Variants in CAPN8 observed in about 807,000 individuals in gnomAD.
CAPN8 encodes the protein calpain-8.
CAPN8 carries 87 observed loss-of-function variants against 80.9 expected under a neutral mutation model. That is an observed-to-expected ratio of 1.07 (90% CI 0.90 to 1.28). The LOEUF (loss-of-function observed/expected upper bound fraction) is 1.28. Among genes scored for constraint, CAPN8 ranks in the 50% most tolerant of loss-of-function variants. The pLI, the probability that CAPN8 is intolerant of heterozygous loss-of-function variation, is 0.00. For synonymous variants in CAPN8, 299 were observed against 273.8 expected (o/e 1.09, Z -0.91); for missense variants, 757 against 702.0 (o/e 1.08, Z -0.89).
At chr1:223,629,232 T>TGTGTATG (rs68132305) in intron 2 of CAPN8, among the ~76,000 whole-genome samples, 2,247 of 132,602 alleles carry the variant, frequency 0.017, 21 homozygotes, top group Non-Finnish European at 0.021. Context: ...GTGTGTGTGT[T>TGTGTATG]TATGTTCCTT....
At chr1:223,645,938 G>A (rs1407412972) in intron 2 of CAPN8, among the ~76,000 whole-genome samples, 1 of 152,200 alleles carries the variant, frequency 6.6e-6, no homozygotes, top group Admixed American at 6.5e-5. Context: ...TTTGGGGCAA[G>A]GTATGGAGTG....
intron 2 of CAPN8, among the ~76,000 whole-genome samples, chr1:223,653,524 C>A (rs1892079): frequency 0.3 from 45,969 of 151,714 alleles, 7,272 homozygotes; most frequent in Middle Eastern, 0.37. Context: ...TGCTGATTTT[C>A]AGTAAGCAGG....
intron 16 of CAPN8, among the ~76,000 whole-genome samples, chr1:223,546,760 C>T (rs1038475348): frequency 2.0e-5 from 3 of 152,126 alleles, no homozygotes; most frequent in Admixed American, 2.0e-4. Context: ...GAATTTGGAC[C>T]CCTGTCTGTT....
At position 223,665,655 on chromosome 1, in the gene CAPN8, G is replaced by A; in HGVS notation, c.-9C>T. On this transcript the variant is annotated 5_prime_UTR_variant, in exon 1 of 21. Transcript: ENST00000366872. ...GCTGCCTGGGCTGCCATGGCCGTGG[G>A]CTCTGTAGGGTGGACAGAAGGGCAG... 1 of 1,549,664 alleles carries A rather than the reference G, an allele frequency of 6.5e-7. No individual in the cohort carries two copies. The highest frequency in any genetic ancestry group is 8.7e-7 in the Non-Finnish European group (1 of 1,145,852).
At chr1:223,544,585 A>G (rs573577158) in intron 18 of CAPN8, among the ~76,000 whole-genome samples, 187 bp downstream of exon 18, 130 of 152,304 alleles carry the variant, frequency 8.5e-4, no homozygotes, top group African/African-American at 3.1e-3. Flanking sequence ...ATATTATGCT[A>G]TATGGAATCG....
chr1:223,623,903 G>A (rs527557293), intron 6 of CAPN8, among the ~76,000 whole-genome samples: 1 of 151,906 alleles, frequency 6.6e-6, no homozygotes, highest in Non-Finnish European at 1.5e-5. Flanking sequence ...GGGAGGCTGA[G>A]GCAGGAAAAT....
In CAPN8 at chr1:223,545,243, A is replaced by C; in HGVS notation, c.1821T>G (p.Ile607Met). The C allele has an allele frequency of 6.4e-7, 1 of 1,551,684 alleles. No homozygotes were observed. The highest frequency in any genetic ancestry group is 8.7e-7 in the Non-Finnish European group (1 of 1,146,972). Reference protein sequence around the residue: ...AVEFKTLWLKIQKYLEIYWET... With the variant: ...AVEFKTLWLKMQKYLEIYWET... ...AAAAGAGAGTTACCAGATACTTCTG[A>C]ATCTTCAGCCAGAGCGTCTTGAATT... The change falls in exon 17 of 21, where the codon ATT becomes ATG. Residue 607 changes from isoleucine (I) to methionine (M), a missense_variant. Coordinates refer to ENST00000366872, the MANE Select transcript of CAPN8 (RefSeq NM_001143962.2).
chr1:223,645,297 T>C (rs1036475998), intron 2 of CAPN8, among the ~76,000 whole-genome samples: 6 of 152,160 alleles, frequency 3.9e-5, no homozygotes, highest in Admixed American at 3.9e-4. Flanking sequence ...CCCACCCAGA[T>C]TGAGGGTGGG....
chr1:223,620,640 G>T (rs1657360530), intron 7 of CAPN8, among the ~76,000 whole-genome samples: 1 of 152,170 alleles, frequency 6.6e-6, no homozygotes, highest in African/African-American at 2.4e-5. Flanking sequence ...TCACTGGAAA[G>T]GCAGGCACTC....
At chr1:223,637,098 G>C (rs1025857401) in intron 2 of CAPN8, among the ~76,000 whole-genome samples, 34 of 152,190 alleles carry the variant, frequency 2.2e-4, no homozygotes, top group African/African-American at 8.2e-4. Context: ...ATCATGGTTA[G>C]ACTCAGGTCT....
chr1:223,617,699 T>C (rs959665100), intron 9 of CAPN8: 1 of 152,498 alleles, frequency 6.6e-6, no homozygotes. Flanking sequence ...GAATGGGCCA[T>C]AAAAATAATA....
At chr1:223,626,073 GT>G (rs1657567986) in intron 5 of CAPN8, among the ~76,000 whole-genome samples, 185 bp from the exon 6 acceptor site, 1 of 152,160 alleles carries the variant, frequency 6.6e-6, no homozygotes, top group African/African-American at 2.4e-5. Flanking sequence ...AATTAGGCCT[GT>G]AGTTCCGGGC....
chr1:223,636,801 G>T (rs28679358), intron 2 of CAPN8, among the ~76,000 whole-genome samples: 36,303 of 58,040 alleles, frequency 0.63, 9,944 homozygotes, highest in African/African-American at 0.64. Context: ...TTGAGTAGTC[G>T]ATCACTAGTA....
At chr1:223,617,492 T>C (rs949577026) in intron 9 of CAPN8, 1 of 152,234 alleles carries the variant, frequency 6.6e-6, no homozygotes, top group African/African-American at 2.4e-5. Flanking sequence ...GTTGGCAGCA[T>C]GGATGGGACT....
At chr1:223,547,536 T>C (rs1211235004) in intron 16 of CAPN8, among the ~76,000 whole-genome samples, 1 of 152,230 alleles carries the variant, frequency 6.6e-6, no homozygotes, top group African/African-American at 2.4e-5. Flanking sequence ...TTCTAAATTA[T>C]GTGATGATGG....
rs561702841 is a variant in CAPN8, at chr1:223,627,881, G to C, written c.560+128C>G. On this transcript the variant is annotated intron_variant, in intron 4 of 20. Transcript: ENST00000366872. ...AAAAATGCTCTCTCTCCGGCTCATG[G>C]GGGTCTGGATGCTGGGAAAGACGCC... 6.4e-6 allele frequency: 7 copies of C among 1,096,742 alleles called. No homozygotes were observed. The South Asian group carries it at 9.0e-5, about 14-fold the overall frequency. 67.9% of individuals were successfully genotyped at this position (1,096,742 alleles called of 1,614,324 possible). A position where few individuals can be genotyped will look rare whatever the true frequency, so the allele number is the denominator to read the frequency against.
chr1:223,647,029 G>T (rs1269003241), intron 2 of CAPN8, among the ~76,000 whole-genome samples: 1 of 151,812 alleles, frequency 6.6e-6, no homozygotes, highest in Non-Finnish European at 1.5e-5. Context: ...CCTCTCATAA[G>T]GTTCAGGGGG....
At chr1:223,619,789 T>C (rs985150968) in intron 8 of CAPN8, among the ~76,000 whole-genome samples, 4 of 152,176 alleles carry the variant, frequency 2.6e-5, no homozygotes, top group African/African-American at 9.7e-5. Context: ...AGGTTTCTTT[T>C]TGTTTAATTC....
rs1298405313 is a variant in CAPN8 at position 223,628,159 on chromosome 1, C to T, written c.427-17G>A. ...CTGCCAGAACTGGGGAGGGGGGACA[C>T]AGCGGCTGCTCACATGAATAAGCAG... is the stretch of plus-strand genomic sequence containing the variant. On this transcript the variant is annotated splice_polypyrimidine_tract_variant and intron_variant, in intron 3 of 20. Coordinates refer to ENST00000366872, the MANE Select transcript of CAPN8 (RefSeq NM_001143962.2). 2.0e-6 allele frequency: 3 copies of T among 1,533,014 alleles called. No individual in the cohort carries two copies. Among genetic ancestry groups the T allele is most frequent in the African/African-American group, 2.8e-5 (2 of 72,416 alleles). The allele number at this position is 1,533,014 out of a possible 1,614,324, so 95.0% of individuals were successfully genotyped here.
Sources: allele counts gnomAD v4.1 joint callset (sites outside exome capture counted in the v4.1 genomes callset), GRCh38; gene constraint gnomAD v4.1.1; transcripts MANE v1.5; gene names NCBI Gene and HGNC (gene_info 2026-07-23, HGNC 2026-07-21).